ELMO1: variants seen among roughly 807,000 people sequenced by gnomAD.
The protein encoded by ELMO1 is engulfment and cell motility 1, also known as engulfment and cell motility protein 1.
A neutral mutation model predicts 98.9 loss-of-function variants in ELMO1; 26 were observed. The observed-to-expected ratio is 0.26, with a 90% confidence interval of 0.19 to 0.36. The LOEUF (loss-of-function observed/expected upper bound fraction) is 0.36, where lower values mean the gene tolerates loss of function less well. Ranked by LOEUF, ELMO1 falls within the 10% of genes least tolerant of loss-of-function variation. The pLI is 1.00. For synonymous variants in ELMO1, 346 were observed against 346.0 expected (o/e 1.00, Z 0.00); for missense variants, 627 against 935.2 (o/e 0.67, Z 4.30).
At position 36,855,632 on chromosome 7, in the gene ELMO1, C is replaced by G. The variant is rs1431866733; in HGVS notation, c.2103G>C (p.Leu701=). The G allele has an allele frequency of 6.2e-7, 1 of 1,614,106 alleles. No individual in the cohort carries two copies. Among genetic ancestry groups the G allele is most frequent in the Admixed American group, 1.7e-5 (1 of 60,014 alleles). ...SMEIKLRLLD[L]ENIQIPDAPP... ...GTGCGTCAGGGATCTGGATGTTTTCCAGGTCCAGGAGGCGGAGCTTGATTT... is the reference window on the plus strand; with the variant it reads ...GTGCGTCAGGGATCTGGATGTTTTCGAGGTCCAGGAGGCGGAGCTTGATTT... The change falls in exon 22 of 22, where the codon CTG becomes CTC. Residue 701 remains leucine (L), a synonymous_variant. Transcript: ENST00000310758. This position sits in a 1 kb window ranked among gnomAD's most constrained non-coding sequence, Gnocchi z 4.2.
At chr7:36,956,097 C>T (rs1214563290) in intron 16 of ELMO1, among the ~76,000 whole-genome samples, 1 of 151,770 alleles carries the variant, frequency 6.6e-6, no homozygotes, top group Non-Finnish European at 1.5e-5. Context: ...ATCTCAATAC[C>T]TGTTCCCTTT....
intron 8 of ELMO1, among the ~76,000 whole-genome samples, chr7:37,231,045 T>C (rs1046691563): frequency 1.3e-5 from 2 of 152,222 alleles, no homozygotes; most frequent in African/African-American, 4.8e-5. Flanking sequence ...ATACCACTGA[T>C]AAATACAGGC....
At chr7:36,970,292 T>C (rs1789822966) in intron 16 of ELMO1, among the ~76,000 whole-genome samples, 2 of 152,164 alleles carry the variant, frequency 1.3e-5, no homozygotes, top group South Asian at 4.1e-4. Flanking sequence ...CTTGGTAATC[T>C]TCCTCTGTCC....
At chr7:37,174,640 T>C (rs1341356508) in intron 13 of ELMO1, among the ~76,000 whole-genome samples, 1 of 152,128 alleles carries the variant, frequency 6.6e-6, no homozygotes, top group African/African-American at 2.4e-5. Context: ...GCATGCCCCA[T>C]GCCCACTAGG....
chr7:37,422,798 T>C (rs1218451752), intron 1 of ELMO1, among the ~76,000 whole-genome samples: 1 of 152,232 alleles, frequency 6.6e-6, no homozygotes, highest in Non-Finnish European at 1.5e-5. Flanking sequence ...GAAGTCATGA[T>C]GTCTGAAGAT....
At chr7:36,885,992 G>T (rs2129050022) in intron 18 of ELMO1, among the ~76,000 whole-genome samples, 1 of 152,288 alleles carries the variant, frequency 6.6e-6, no homozygotes. Context: ...CACACAGCTG[G>T]ACAGGTGTAG....
chr7:37,119,426 G>A (rs1432122308), intron 14 of ELMO1, among the ~76,000 whole-genome samples: 1 of 152,208 alleles, frequency 6.6e-6, no homozygotes, highest in East Asian at 1.9e-4. Flanking sequence ...TTTTCTTTAG[G>A]TTGCTGCCTC....
intron 13 of ELMO1, among the ~76,000 whole-genome samples, chr7:37,158,472 C>T (rs924166293): frequency 6.6e-6 from 1 of 151,976 alleles, no homozygotes; most frequent in Non-Finnish European, 1.5e-5. Context: ...AAAAAAACAA[C>T]CCCATCAAAA....
At chr7:37,416,057 C>T (rs1440536960) in intron 1 of ELMO1, among the ~76,000 whole-genome samples, 1 of 152,194 alleles carries the variant, frequency 6.6e-6, no homozygotes, top group Non-Finnish European at 1.5e-5. Flanking sequence ...AAATTCAAAC[C>T]TGTGTTTTCA....
chr7:37,095,810 C>G (rs1030954826), intron 15 of ELMO1, among the ~76,000 whole-genome samples: 1 of 152,016 alleles, frequency 6.6e-6, no homozygotes, highest in Non-Finnish European at 1.5e-5. Context: ...ACAGTAATAC[C>G]AAACACCCCA....
intron 13 of ELMO1, among the ~76,000 whole-genome samples, chr7:37,209,123 AAG>A (rs1208309994): frequency 6.6e-6 from 1 of 152,222 alleles, no homozygotes; most frequent in Non-Finnish European, 1.5e-5. Flanking sequence ...CAAGAATGTT[AAG>A]ACAGATGGAG....
intron 1 of ELMO1, among the ~76,000 whole-genome samples, chr7:37,343,777 A>C (rs1213144219): frequency 1.3e-5 from 2 of 151,860 alleles, no homozygotes; most frequent in Non-Finnish European, 2.9e-5. Context: ...GCCCAGCCCC[A>C]TTTCTTTTTA....
intron 5 of ELMO1, among the ~76,000 whole-genome samples, chr7:37,268,001 G>T (rs140154997): frequency 6.6e-6 from 1 of 152,166 alleles, no homozygotes; most frequent in East Asian, 1.9e-4. Context: ...GTTCTACTTA[G>T]AAGTTTCTCT....
At chr7:36,894,194 C>G (rs369764293) in intron 17 of ELMO1, among the ~76,000 whole-genome samples, 1 of 152,178 alleles carries the variant, frequency 6.6e-6, no homozygotes, top group African/African-American at 2.4e-5. Context: ...CAAAATACCC[C>G]TCATGTGTGA....
intron 13 of ELMO1, among the ~76,000 whole-genome samples, chr7:37,207,122 C>T (rs774238747): frequency 3.3e-5 from 5 of 152,178 alleles, no homozygotes; most frequent in South Asian, 2.1e-4. Context: ...CAGGTCTTGG[C>T]GGCTACAATC....
At chr7:37,006,895 C>G (rs1793170691) in intron 16 of ELMO1, among the ~76,000 whole-genome samples, 1 of 152,112 alleles carries the variant, frequency 6.6e-6, no homozygotes, top group African/African-American at 2.4e-5. Context: ...AGTCACTTTC[C>G]CGGTCTTTCT....
chr7:37,188,409 TACACACACACACACACACACAC>T lies in ELMO1; in HGVS notation c.1086+22955_1086+22976del, dbSNP rs566236838. Among the ~76,000 whole-genome samples the T allele has an allele frequency of 8.2e-3, 947 of 115,860 alleles. 8 individuals are homozygous for T. The highest frequency in any genetic ancestry group is 0.012 in the African/African-American group (340 of 28,088). 76.0% of individuals were successfully genotyped at this position (115,860 alleles called of 152,430 possible). ...TTAACATACAGACTGTGCTTCTTGT[TACACACACACACACACACACAC>T]ACACACACACACACACACACGCAAA... On this transcript the variant is annotated intron_variant, in intron 13 of 21. Coordinates refer to ENST00000310758, the MANE Select transcript of ELMO1 (RefSeq NM_014800.11).
At chr7:37,061,765 C>A (rs114985306) in intron 15 of ELMO1, among the ~76,000 whole-genome samples, 210 of 152,174 alleles carry the variant, frequency 1.4e-3, no homozygotes, top group African/African-American at 4.8e-3. Flanking sequence ...ATAAATACAC[C>A]GAATGGCATC....
chr7:37,186,912 T>C (rs1323739047), intron 13 of ELMO1, among the ~76,000 whole-genome samples: 2 of 152,180 alleles, frequency 1.3e-5, no homozygotes, highest in African/African-American at 4.8e-5. Flanking sequence ...CCTCAAATGG[T>C]TAAACATAGA....
Sources: gnomAD v4.1 joint callset for allele counts (sites outside exome capture counted in the v4.1 genomes callset) on GRCh38, gnomAD v4.1.1 for gene constraint, Gnocchi (gnomAD v3.1) non-coding constraint, MANE v1.5 for transcripts, NCBI Gene and HGNC (gene_info 2026-07-23, HGNC 2026-07-21) for gene names.